The following CACNA1S variants were observed in gnomAD, a reference collection of about 807,000 sequenced individuals.
CACNA1S encodes the protein voltage-dependent L-type calcium channel subunit alpha-1S.
Under a neutral mutation model 207.4 loss-of-function variants are expected in CACNA1S, and 126 were observed. The observed-to-expected ratio is 0.61, with a 90% CI of 0.53 to 0.70. CACNA1S has a LOEUF of 0.70. Among genes scored for constraint, CACNA1S ranks in the 30% least tolerant of loss-of-function variants. CACNA1S has a pLI of 0.00. For missense variants in CACNA1S, 2,349 were observed against 2,422.8 expected (o/e 0.97, Z 0.64); for synonymous variants, 960 against 932.7 (o/e 1.03, Z -0.53).
At chr1:201,072,388 A>C (rs1357913405) in intron 16 of CACNA1S, among the ~76,000 whole-genome samples, 2 of 152,050 alleles carry the variant, frequency 1.3e-5, no homozygotes, top group South Asian at 2.1e-4. Context: ...TCATCACGAC[A>C]TATATGGGCG....
rs113272243 is a variant in CACNA1S at position 201,047,242 on chromosome 1, G to A, written c.4544-3C>T. ...CTTCCCCACTGTCACCTCATCATCT[G>A]CAGAGGAGCCAACAAGAGATGCCCT... On this transcript the variant is annotated splice_polypyrimidine_tract_variant and splice_region_variant and intron_variant, in intron 37 of 43. Transcript: ENST00000362061. 2 of 1,614,076 alleles carry A rather than the reference G, an allele frequency of 1.2e-6. No homozygotes were observed. Among genetic ancestry groups the A allele is most frequent in the Admixed American group, 3.3e-5 (2 of 60,006 alleles).
chr1:201,057,235 G>A (rs977864414), intron 28 of CACNA1S, among the ~76,000 whole-genome samples: 2 of 152,144 alleles, frequency 1.3e-5, no homozygotes, highest in African/African-American at 4.8e-5. Flanking sequence ...CCAGCTACAA[G>A]GGCCTCCTGC....
At chr1:201,065,042 G>A (rs1018847057) in intron 22 of CACNA1S, among the ~76,000 whole-genome samples, 1 of 152,218 alleles carries the variant, frequency 6.6e-6, no homozygotes, top group Admixed American at 6.5e-5. Context: ...AAGAATGGCT[G>A]TGGGGCCCTG....
At chr1:201,073,442 C>T (rs928321125) in intron 15 of CACNA1S, 107 bp downstream of exon 15, 26 of 922,404 alleles carry the variant, frequency 2.8e-5, no homozygotes, top group Non-Finnish European at 4.3e-5. Context: ...TGGCTGATAA[C>T]TCTCCTACCT....
intron 13 of CACNA1S, among the ~76,000 whole-genome samples, chr1:201,075,121 C>T (rs1043487807): frequency 6.6e-6 from 1 of 152,294 alleles, no homozygotes; most frequent in African/African-American, 2.4e-5. Context: ...CTGATCATCC[C>T]GGCCACAGGG....
At position 201,044,368 on chromosome 1, in the gene CACNA1S, C is replaced by G. The variant is rs375373958; in HGVS notation, c.4757G>C (p.Arg1586Thr). 6.2e-7 allele frequency: 1 copy of G among 1,613,684 alleles called. No individual in the cohort carries two copies. The highest frequency in any genetic ancestry group is 1.3e-5 in the African/African-American group (1 of 74,834). ...CTCCATCGCAGCCTCCACCATGGCT[C>G]TCTCCAGCTCCTCCTCAGCAGCCAG... is the stretch of plus-strand genomic sequence containing the variant. ...GDLAAEEELERAMVEAAMEEG... is the reference protein window; with the variant it reads ...GDLAAEEELETAMVEAAMEEG... The change falls in exon 39 of 44, where the codon AGA becomes ACA. Residue 1586 changes from arginine (R) to threonine (T), a missense_variant. Coordinates refer to ENST00000362061, the MANE Select transcript of CACNA1S (RefSeq NM_000069.3).
Position 201,051,016 on chromosome 1 carries a change from A to T in CACNA1S, c.4081T>A (p.Phe1361Ile), listed in dbSNP as rs1558056421. 2 of 1,614,216 alleles carry T rather than the reference A, an allele frequency of 1.2e-6. No homozygotes were observed. The highest frequency in any genetic ancestry group is 1.3e-5 in the African/African-American group (1 of 75,052). The stretch of plus-strand genomic sequence containing the variant: ...GCACAGAGCATGTAGAAGCTGATGA[A>T]GTAGTAGTATGCAAAGTTGGTGCCA... ...TCGTNFAYYY[F>I]ISFYMLCAFL... The change falls in exon 33 of 44, where the codon TTC (phenylalanine) becomes ATC (isoleucine). Residue 1361 changes from phenylalanine (F) to isoleucine (I), a missense_variant. By Grantham distance (21) the Phe-to-Ile change is conservative (BLOSUM62 0). Transcript: ENST00000362061.
rs767190876 is a variant in CACNA1S at position 201,074,522 on chromosome 1, G to GT, written c.2046dup (p.Arg683ThrfsTer30). ...AGCACTCACTTGGACATCTTCCTGC[G>GT]TTTTTTCTCCTCAGCCTTGGCCTTC... On this transcript the variant is annotated frameshift_variant, in exon 14 of 44. Coordinates refer to ENST00000362061, the MANE Select transcript of CACNA1S (RefSeq NM_000069.3). LOFTEE classifies it high-confidence loss of function. 4 of 1,612,298 alleles carry GT rather than the reference G, an allele frequency of 2.5e-6. No homozygotes were observed. The highest frequency in any genetic ancestry group is 1.3e-5 in the African/African-American group (1 of 75,000).
In CACNA1S at chr1:201,076,937, G is replaced by C; in HGVS notation, c.1810C>G (p.Leu604Val). Residue 604 changes from leucine to valine, a missense_variant, in exon 12 of 44, where the codon CTC (leucine) becomes GTC (valine). Transcript: ENST00000362061. ...RSNFDNFPQA[L>V]ISVFQVLTGE... ...GAGCCTACCTGGAAGACGCTGATGA[G>C]GGCTTGGGGAAAGTTGTCAAAGTTG... is the stretch of plus-strand genomic sequence containing the variant. 3.7e-6 allele frequency: 6 copies of C among 1,614,260 alleles called. No individual in the cohort carries two copies. Among genetic ancestry groups the C allele is most frequent in the Non-Finnish European group, 5.1e-6 (6 of 1,180,046 alleles).
intron 25 of CACNA1S, 61 bp from the exon 26 acceptor site, chr1:201,060,877 C>T (rs1661023943): frequency 6.2e-7 from 1 of 1,601,256 alleles, no homozygotes; most frequent in African/African-American, 1.3e-5. Context: ...TCTCCACACC[C>T]ACATCCATGG....
intron 2 of CACNA1S, among the ~76,000 whole-genome samples, chr1:201,094,277 C>T (rs575924632): frequency 6.6e-6 from 1 of 152,210 alleles, no homozygotes; most frequent in East Asian, 1.9e-4. Flanking sequence ...TAATGCGAGC[C>T]ATCTCCAGCA....
intron 6 of CACNA1S, among the ~76,000 whole-genome samples, chr1:201,088,521 C>A (rs930454508): frequency 6.6e-6 from 1 of 152,166 alleles, no homozygotes; most frequent in Non-Finnish European, 1.5e-5. Flanking sequence ...AATCCCCCCA[C>A]CCCCACAATA....
At position 201,039,764 on chromosome 1, in the gene CACNA1S, A is replaced by AC; in HGVS notation, c.*66dup. On this transcript the variant is annotated 3_prime_UTR_variant, in exon 44 of 44. Coordinates refer to ENST00000362061, the MANE Select transcript of CACNA1S (RefSeq NM_000069.3). ...TGCTGCGGTGGGCTAGCCCTTCTCC[A>AC]CCCCAGCAACTTCCCCACCCCCATT... 2.5e-6 allele frequency: 4 copies of AC among 1,595,264 alleles called. No homozygotes were observed. Among genetic ancestry groups the AC allele is most frequent in the Non-Finnish European group, 3.4e-6 (4 of 1,176,526 alleles).
chr1:201,055,212 AAAGAAGTC>A (rs1437654603), intron 28 of CACNA1S, among the ~76,000 whole-genome samples: 1 of 152,184 alleles, frequency 6.6e-6, no homozygotes, highest in Non-Finnish European at 1.5e-5. Flanking sequence ...CCCTGGGTCA[AAAGAAGTC>A]ATTGTTTTAT....
chr1:201,058,294 T>C (rs2102569843), intron 28 of CACNA1S, 114 bp downstream of exon 28: 1 of 908,800 alleles, frequency 1.1e-6, no homozygotes, highest in East Asian at 2.5e-5. Context: ...ATTCCATCTT[T>C]TTAACCCCTG....
chr1:201,048,522 T>G, intron 36 of CACNA1S, 60 bp downstream of exon 36: 1 of 1,344,688 alleles, frequency 7.4e-7, no homozygotes. Context: ...TCTGGCAGAA[T>G]CTGTGCCAGA....
Position 201,043,314 on chromosome 1 carries a change from T to C in CACNA1S, c.5015A>G (p.Asn1672Ser). ...CACATGGCTGTTGCTATGGTTGCTG[T>C]TGCCATAGGCGACATTGGCGTTGGC... ...NNANANVAYG[N>S]SNHSNSHVFS... The change falls in exon 40 of 44, where the codon AAC becomes AGC. Residue 1672 changes from asparagine to serine, a missense_variant. Transcript: ENST00000362061. 1 of 1,614,212 alleles carries C rather than the reference T, an allele frequency of 6.2e-7. No individual in the cohort carries two copies. Among genetic ancestry groups the C allele is most frequent in the South Asian group, 1.1e-5 (1 of 91,084 alleles).
chr1:201,041,189 G>A (rs562056918), intron 41 of CACNA1S, among the ~76,000 whole-genome samples: 32 of 152,284 alleles, frequency 2.1e-4, no homozygotes, highest in Admixed American at 1.5e-3. Flanking sequence ...GACCTGGGGC[G>A]GTGTGGGGAC....
intron 19 of CACNA1S, among the ~76,000 whole-genome samples, 173 bp from the exon 20 acceptor site, chr1:201,067,166 C>G (rs1342198215): frequency 2.0e-5 from 3 of 152,212 alleles, no homozygotes; most frequent in Admixed American, 6.5e-5. Flanking sequence ...TTTCCTATCT[C>G]TGCTCGCAGT....
Sources: allele counts gnomAD v4.1 joint callset (sites outside exome capture counted in the v4.1 genomes callset), GRCh38; gene constraint gnomAD v4.1.1; transcripts MANE v1.5; gene names NCBI Gene and HGNC (gene_info 2026-07-23, HGNC 2026-07-21).